The following VPS13D variants were observed in gnomAD, a reference collection of about 807,000 sequenced individuals.
VPS13D encodes vacuolar protein sorting 13 homolog D.
A neutral mutation model predicts 461.9 loss-of-function variants in VPS13D; 187 were observed. The observed-to-expected ratio is 0.40, with a 90% CI of 0.36 to 0.46. The LOEUF is 0.46. Among genes scored for constraint, VPS13D ranks in the 20% least tolerant of loss-of-function variants. VPS13D has a pLI of 0.60. For missense variants in VPS13D, 4,711 were observed against 5,364.9 expected (o/e 0.88, Z 3.81); for synonymous variants, 1,951 against 1,986.3 (o/e 0.98, Z 0.47).
intron 37 of VPS13D, among the ~76,000 whole-genome samples, chr1:12,332,476 G>A (rs1003787862): frequency 1.3e-5 from 2 of 152,196 alleles, no homozygotes; most frequent in African/African-American, 4.8e-5. Context: ...GAAAAAGAAT[G>A]CGCATGGGGA....
chr1:12,291,743 A>G (rs903577842), intron 23 of VPS13D, among the ~76,000 whole-genome samples: 1 of 152,228 alleles, frequency 6.6e-6, no homozygotes, highest in African/African-American at 2.4e-5. Flanking sequence ...CAAGTCATGC[A>G]GTCTTCGTGC....
chr1:12,447,628 T>G (rs1570190132), intron 65 of VPS13D, among the ~76,000 whole-genome samples: 1 of 152,352 alleles, frequency 6.6e-6, no homozygotes, highest in East Asian at 1.9e-4. Context: ...TTCCAAACCC[T>G]TGAAACCTAT....
At chr1:12,463,901 C>T (rs753089346) in intron 67 of VPS13D, among the ~76,000 whole-genome samples, 2 of 152,208 alleles carry the variant, frequency 1.3e-5, no homozygotes, top group African/African-American at 4.8e-5. Flanking sequence ...AAATTTATCT[C>T]TCTGTTTATT....
rs114783184 is a variant in VPS13D at position 12,274,794 on chromosome 1, A to G, written c.2237-1031A>G. 6.1e-3 allele frequency among the ~76,000 whole-genome samples: 921 copies of G among 152,162 alleles called. 12 individuals carry two copies. The highest frequency in any genetic ancestry group is 0.02 in the African/African-American group (829 of 41,532). Reference sequence around the variant, plus strand: ...GACCTCTCTTCTCTCAGAACATTCCAGTGGATGCTGGGCCGTGGTGGCTCA... The same window carrying G: ...GACCTCTCTTCTCTCAGAACATTCCGGTGGATGCTGGGCCGTGGTGGCTCA... On this transcript the variant is annotated intron_variant, in intron 18 of 69. Transcript: ENST00000620676.
At chr1:12,264,360 C>T (rs1045747768) in intron 13 of VPS13D, among the ~76,000 whole-genome samples, 4 of 152,154 alleles carry the variant, frequency 2.6e-5, no homozygotes, top group Non-Finnish European at 4.4e-5. Flanking sequence ...GTGAGGAAGA[C>T]GTCGAAAGCT....
At position 12,373,791 on chromosome 1, in the gene VPS13D, C is replaced by T; in HGVS notation, c.10850C>T (p.Ala3617Val). 1 of 1,594,240 alleles carries T rather than the reference C, an allele frequency of 6.3e-7. No homozygotes were observed. Among genetic ancestry groups the T allele is most frequent in the Non-Finnish European group, 8.5e-7 (1 of 1,170,966 alleles). ...GTGRPVASNKAITCAELVLDV... is the reference protein window; with the variant it reads ...GTGRPVASNKVITCAELVLDV... ...GGCAGGCCTGTGGCTTCCAACAAGG[C>T]CATTACCTGTGCGGAGCTCGTTTTG... is the stretch of plus-strand genomic sequence containing the variant. Residue 3617 changes from alanine to valine, a missense_variant, in exon 55 of 70, where the codon GCC becomes GTC. Around this residue, in one of 3 missense-constraint regions of VPS13D, gnomAD observed 4,411 missense variants for 4,937.8 expected, o/e 0.89. Transcript: ENST00000620676.
chr1:12,363,304 C>G lies in VPS13D; in HGVS notation c.10448+57C>G, dbSNP rs1643978405. Reference sequence around the variant, plus strand: ...GGTAGCCCCTGTTTGAGATGCAGTACTGTAATAACAAGCCTTGTGTAAAAT... The same window carrying G: ...GGTAGCCCCTGTTTGAGATGCAGTAGTGTAATAACAAGCCTTGTGTAAAAT... On this transcript the variant is annotated intron_variant, in intron 52 of 69. Coordinates refer to ENST00000620676, the MANE Select transcript of VPS13D (RefSeq NM_015378.4). The G allele has an allele frequency of 3.2e-6, 5 of 1,553,250 alleles. No individual in the cohort carries two copies. In the South Asian group the frequency reaches 5.9e-5, roughly 18 times the overall value.
chr1:12,393,167 G>A (rs543578365), intron 60 of VPS13D, among the ~76,000 whole-genome samples: 1 of 152,318 alleles, frequency 6.6e-6, no homozygotes, highest in Non-Finnish European at 1.5e-5. Context: ...GCACGCAAAT[G>A]TCTCACCAAT....
intron 65 of VPS13D, among the ~76,000 whole-genome samples, chr1:12,444,111 G>A (rs1645164565): frequency 6.6e-6 from 1 of 152,158 alleles, no homozygotes; most frequent in South Asian, 2.1e-4. Context: ...AAAGTGCTGG[G>A]ATTACAGGTG....
At chr1:12,487,848 T>C (rs1448943996) in intron 67 of VPS13D, among the ~76,000 whole-genome samples, 2 of 152,258 alleles carry the variant, frequency 1.3e-5, no homozygotes, top group Non-Finnish European at 2.9e-5. Flanking sequence ...GAAAGTGTTT[T>C]ACCCCTGAAA....
At position 12,349,335 on chromosome 1, in the gene VPS13D, A is replaced by C. The variant is rs755874339; in HGVS notation, c.9392A>C (p.Glu3131Ala). ...KTAEISSSKR[E>A]CHSMDTEKSR... ...GCAGAAATTAGTAGCAGTAAACGAG[A>C]GTGCCACTCTATGGACACAGAAAAA... The change falls in exon 46 of 70, where the codon GAG becomes GCG. Residue 3131 changes from glutamate (E) to alanine (A), a missense_variant. Physicochemically the swap from Glu to Ala is moderately radical, Grantham distance 107 (BLOSUM62 -1). Transcript: ENST00000620676. 4.3e-6 allele frequency: 7 copies of C among 1,614,140 alleles called. No homozygotes were observed. The Middle Eastern group carries it at 8.3e-4, about 190-fold the overall frequency.
rs528879916 is a variant in VPS13D at position 12,368,036 on chromosome 1, G to A, written c.10449-432G>A. On this transcript the variant is annotated intron_variant, in intron 52 of 69. Coordinates refer to ENST00000620676, the MANE Select transcript of VPS13D (RefSeq NM_015378.4). ...TCCTCCCACCTTGGCCTCCCAAAGT[G>A]CTGGGATTATAGGTGTGAGCCACCA... Among the ~76,000 whole-genome samples, 116 of 152,302 alleles carry A rather than the reference G, an allele frequency of 7.6e-4. 2 individuals carry two copies. Among genetic ancestry groups the A allele is most frequent in the African/African-American group, 2.6e-3 (108 of 41,566 alleles).
intron 29 of VPS13D, 118 bp from the exon 30 acceptor site, chr1:12,313,997 T>C (rs756978088): frequency 2.5e-5 from 20 of 807,890 alleles, no homozygotes; most frequent in Non-Finnish European, 3.5e-5. Context: ...ATGAAAGTTA[T>C]TCTCCTTATG....
chr1:12,406,458 C>A (rs188826154), intron 63 of VPS13D, among the ~76,000 whole-genome samples: 1 of 152,260 alleles, frequency 6.6e-6, no homozygotes, highest in Admixed American at 6.5e-5. Context: ...GAATAATTAT[C>A]TTGATTCTTC....
intron 61 of VPS13D, 150 bp downstream of exon 61, chr1:12,400,480 G>T (rs772296526): frequency 7.9e-6 from 8 of 1,007,224 alleles, no homozygotes; most frequent in African/African-American, 1.6e-5. Context: ...TTGTTTGGAG[G>T]AATTGACAGG....
At chr1:12,330,328 T>A (rs1432197024) in intron 37 of VPS13D, among the ~76,000 whole-genome samples, 4 of 151,910 alleles carry the variant, frequency 2.6e-5, no homozygotes, top group Non-Finnish European at 5.9e-5. Context: ...GGCAGGAGAA[T>A]CACTTGAACC....
At chr1:12,300,065 C>T (rs903990019) in intron 25 of VPS13D, among the ~76,000 whole-genome samples, 6 of 151,886 alleles carry the variant, frequency 4.0e-5, no homozygotes, top group South Asian at 2.1e-4. Flanking sequence ...AACAAGTAAA[C>T]GTGTTTCCCT....
intron 25 of VPS13D, among the ~76,000 whole-genome samples, chr1:12,302,957 G>A (rs1642466415): frequency 6.6e-6 from 1 of 151,274 alleles, no homozygotes; most frequent in Admixed American, 6.6e-5. Context: ...CATAAGGGCT[G>A]TTTGGAGTGT....
At chr1:12,392,572 C>G (rs61443071) in intron 60 of VPS13D, among the ~76,000 whole-genome samples, 1,493 of 145,892 alleles carry the variant, frequency 0.01, 26 homozygotes, top group African/African-American at 0.036. Context: ...AAAGAAAGCA[C>G]ACAGTTCAGG....
Sources: gnomAD v4.1 joint callset for allele counts (sites outside exome capture counted in the v4.1 genomes callset) on GRCh38, gnomAD v4.1.1 for gene constraint, gnomAD v4.1.1 regional missense constraint, MANE v1.5 for transcripts, NCBI Gene and HGNC (gene_info 2026-07-23, HGNC 2026-07-21) for gene names.